CAAP1: variants seen among roughly 807,000 people sequenced by gnomAD.
CAAP1 encodes conserved anti-apoptotic protein.
Under a neutral mutation model 34.0 loss-of-function variants are expected in CAAP1, and 20 were observed. That is an observed-to-expected ratio of 0.59 (90% CI 0.41 to 0.86). The LOEUF (loss-of-function observed/expected upper bound fraction) is 0.86, where lower values mean the gene tolerates loss of function less well. CAAP1 is among the 40% of genes least tolerant of loss of function. CAAP1 has a pLI of 0.00. For missense variants in CAAP1, 538 were observed against 450.5 expected (o/e 1.19, Z -1.76); for synonymous variants, 213 against 166.7 (o/e 1.28, Z -2.14).
At chr9:26,877,534 A>G (rs894081992) in intron 4 of CAAP1, among the ~76,000 whole-genome samples, 3 of 152,168 alleles carry the variant, frequency 2.0e-5, no homozygotes, top group African/African-American at 7.2e-5. Context: ...CTTTCACCCA[A>G]CAAATGAATG....
At chr9:26,874,206 CAAAA>C (rs34601727) in intron 4 of CAAP1, among the ~76,000 whole-genome samples, 104 of 53,230 alleles carry the variant, frequency 2.0e-3, no homozygotes, top group African/African-American at 6.5e-3. Flanking sequence ...GACTCTGTCT[CAAAA>C]AAAAAAAAAA....
intron 4 of CAAP1, among the ~76,000 whole-genome samples, chr9:26,866,172 T>A (rs1410027472): frequency 6.6e-6 from 1 of 152,160 alleles, no homozygotes; most frequent in Admixed American, 6.5e-5. Flanking sequence ...AAATGGACAC[T>A]AATAAAATGT....
At chr9:26,878,335 GT>G (rs1352904075) in intron 4 of CAAP1, among the ~76,000 whole-genome samples, 1 of 152,128 alleles carries the variant, frequency 6.6e-6, no homozygotes, top group African/African-American at 2.4e-5. Flanking sequence ...TCATGCATGT[GT>G]TTATGTATAT....
chr9:26,845,826 C>G (rs916885769), intron 5 of CAAP1, among the ~76,000 whole-genome samples: 2 of 152,100 alleles, frequency 1.3e-5, no homozygotes, highest in Non-Finnish European at 2.9e-5. Flanking sequence ...ATCTTCTGAT[C>G]CCTGAATTTT....
intron 4 of CAAP1, among the ~76,000 whole-genome samples, chr9:26,883,686 A>T (rs1587126251): frequency 6.6e-6 from 1 of 152,364 alleles, no homozygotes; most frequent in East Asian, 1.9e-4. Flanking sequence ...TAGCATCAAG[A>T]AACAAAATGT....
rs77982312 is a variant in CAAP1 at position 26,849,744 on chromosome 9, G to A, written c.740-7097C>T. On this transcript the variant is annotated intron_variant, in intron 5 of 5. Transcript: ENST00000333916. ...ATTAAGTGGGCTTAAAGTACTAGCA[G>A]TGCCTTTGTAGAACCCAAACACCTC... is the stretch of plus-strand genomic sequence containing the variant. 4.2e-3 allele frequency among the ~76,000 whole-genome samples: 636 copies of A among 151,934 alleles called. 7 individuals carry two copies. In the East Asian group the frequency reaches 0.045, roughly 11 times the overall value.
chr9:26,857,625 A>G (rs2131306126), intron 5 of CAAP1, among the ~76,000 whole-genome samples: 1 of 152,286 alleles, frequency 6.6e-6, no homozygotes, highest in East Asian at 1.9e-4. Context: ...GAGCAAAAAA[A>G]CAAAAACAAA....
At chr9:26,869,703 C>A (rs559764595) in intron 4 of CAAP1, among the ~76,000 whole-genome samples, 1 of 152,148 alleles carries the variant, frequency 6.6e-6, no homozygotes, top group Admixed American at 6.5e-5. Context: ...CTTGGAAACA[C>A]AGATGAGTAA....
chr9:26,888,476 T>C (rs921204384), intron 1 of CAAP1, among the ~76,000 whole-genome samples: 1 of 152,224 alleles, frequency 6.6e-6, no homozygotes, highest in African/African-American at 2.4e-5. Context: ...TCAACAGTCA[T>C]TTCCTCTGGA....
intron 3 of CAAP1, among the ~76,000 whole-genome samples, chr9:26,885,310 T>C (rs564351029): frequency 6.6e-6 from 1 of 151,762 alleles, no homozygotes; most frequent in South Asian, 2.1e-4. Context: ...CTCCTGACCT[T>C]GTGATCCGCC....
chr9:26,889,786 T>C lies in CAAP1; in HGVS notation c.304-2273A>G, dbSNP rs1184249875. On this transcript the variant is annotated intron_variant, in intron 1 of 5. Transcript: ENST00000333916. ...TGGAGGCTGAGGCAGGAGAATGGCG[T>C]GAACCCAGGAGGCGGCGCTTGCAGT... Among the ~76,000 whole-genome samples, 6 of 143,694 alleles carry C rather than the reference T, an allele frequency of 4.2e-5. No individual in the cohort carries two copies. The Admixed American group carries it at 4.5e-4, about 11-fold the overall frequency. The allele number at this position is 143,694 out of a possible 152,430, so 94.3% of individuals were successfully genotyped here.
chr9:26,846,415 CAAAAA>C (rs761402354), intron 5 of CAAP1, among the ~76,000 whole-genome samples: 1 of 61,746 alleles, frequency 1.6e-5, no homozygotes, highest in East Asian at 6.1e-4. Flanking sequence ...GACTCTGTCT[CAAAAA>C]AAAAAAAAAA....
In CAAP1 at chr9:26,892,409, G is replaced by A. The variant is rs1242797221; in HGVS notation, c.303+4C>T. On this transcript the variant is annotated splice_donor_region_variant and intron_variant, in intron 1 of 5. Coordinates refer to ENST00000333916, the MANE Select transcript of CAAP1 (RefSeq NM_024828.4). ...AGGAAGCGGCCAGAGGGGCGCGCAC[G>A]CACCTGCTGCAAGGAGCCCGAGACG... 3 of 1,604,292 alleles carry A rather than the reference G, an allele frequency of 1.9e-6. No homozygotes were observed. The highest frequency in any genetic ancestry group is 2.5e-6 in the Non-Finnish European group (3 of 1,178,248).
intron 1 of CAAP1, among the ~76,000 whole-genome samples, chr9:26,889,027 CATT>C (rs1177653811): frequency 2.0e-5 from 3 of 152,168 alleles, no homozygotes; most frequent in African/African-American, 7.2e-5. Context: ...ATCTTAAAAA[CATT>C]ATGTTAAGTA....
At position 26,866,868 on chromosome 9, in the gene CAAP1, C is replaced by A. The variant is rs1051451516; in HGVS notation, c.666-5729G>T. On this transcript the variant is annotated intron_variant, in intron 4 of 5. Coordinates refer to ENST00000333916, the MANE Select transcript of CAAP1 (RefSeq NM_024828.4). ...AAATTACCCAAAATCAATATACTGG[C>A]AGGGCCACAATCCCTCCAGATGCTC... is the stretch of plus-strand genomic sequence containing the variant. Among the ~76,000 whole-genome samples the A allele has an allele frequency of 2.0e-5, 3 of 152,260 alleles. No homozygotes were observed. The East Asian group carries it at 5.8e-4, about 29-fold the overall frequency.
intron 3 of CAAP1, 31 bp from the exon 4 acceptor site, chr9:26,884,916 A>G (rs780909241): frequency 7.0e-7 from 1 of 1,420,976 alleles, no homozygotes; most frequent in East Asian, 2.3e-5. Flanking sequence ...TTGAAAGCAC[A>G]CTTATAAAAA....
At chr9:26,846,719 C>T (rs1408936483) in intron 5 of CAAP1, among the ~76,000 whole-genome samples, 1 of 151,746 alleles carries the variant, frequency 6.6e-6, no homozygotes, top group African/African-American at 2.4e-5. Context: ...CAGAGTTGCA[C>T]TCTTGCTGCC....
chr9:26,882,951 A>C (rs2131337447), intron 4 of CAAP1, among the ~76,000 whole-genome samples: 1 of 151,988 alleles, frequency 6.6e-6, no homozygotes, highest in Non-Finnish European at 1.5e-5. Context: ...ATTTTGGCCA[A>C]TTTCTCCCAT....
At chr9:26,889,762 G>C (rs1027238325) in intron 1 of CAAP1, among the ~76,000 whole-genome samples, 1 of 151,420 alleles carries the variant, frequency 6.6e-6, no homozygotes, top group Non-Finnish European at 1.5e-5. Context: ...CAGCTACTCT[G>C]GAGGCTGAGG....
Sources: gnomAD v4.1 joint callset for allele counts (sites outside exome capture counted in the v4.1 genomes callset) on GRCh38, gnomAD v4.1.1 for gene constraint, MANE v1.5 for transcripts, NCBI Gene and HGNC (gene_info 2026-07-23, HGNC 2026-07-21) for gene names.